ARSG: variants seen among roughly 807,000 people sequenced by gnomAD.
The protein encoded by ARSG is ASG.
A neutral mutation model predicts 50.5 loss-of-function variants in ARSG; 37 were observed. The observed-to-expected ratio is 0.73, with a 90% CI of 0.56 to 0.96. The LOEUF is 0.96. Among genes scored for constraint, ARSG ranks in the 50% least tolerant of loss-of-function variants. The pLI, the probability that ARSG is intolerant of heterozygous loss-of-function variation, is 0.00. For missense variants in ARSG, 629 were observed against 675.3 expected (o/e 0.93, Z 0.76); for synonymous variants, 225 against 254.6 (o/e 0.88, Z 1.11).
chr17:68,386,158 C>T (rs1053206795), intron 9 of ARSG, among the ~76,000 whole-genome samples: 8 of 152,186 alleles, frequency 5.3e-5, no homozygotes, highest in African/African-American at 1.9e-4. Context: ...AACATCTTCC[C>T]AGCTATGGAA....
chr17:68,436,597 G>T, the ARSG span: 1 of 870,550 alleles, frequency 1.1e-6, no homozygotes, highest in Non-Finnish European at 1.8e-6. Context: ...GGGAGGAATG[G>T]CTTTGCAGAC....
chr17:68,374,157 C>CAAAA (rs758829709), intron 8 of ARSG, among the ~76,000 whole-genome samples: 5 of 60,498 alleles, frequency 8.3e-5, no homozygotes, highest in African/African-American at 1.2e-4. Context: ...ACTCTGTCTC[C>CAAAA]AAAAAAAAAA....
chr17:68,285,489 G>A (rs1232113251), intron 1 of ARSG: 4 of 152,316 alleles, frequency 2.6e-5, no homozygotes, highest in African/African-American at 9.7e-5. Flanking sequence ...GGCCAACATG[G>A]TGAAACCCCG....
intron 2 of ARSG, among the ~76,000 whole-genome samples, chr17:68,307,922 G>A (rs2076670988): frequency 1.3e-5 from 2 of 151,384 alleles, no homozygotes; most frequent in African/African-American, 2.5e-5. Flanking sequence ...CATTCATTAT[G>A]TGTTAGGAGC....
the ARSG span, among the ~76,000 whole-genome samples, chr17:68,445,145 C>G: frequency 1.3e-5 from 2 of 152,104 alleles, no homozygotes; most frequent in Non-Finnish European, 2.9e-5. Context: ...GTCTCGAACT[C>G]CCGACCTCAG....
intron 11 of ARSG, among the ~76,000 whole-genome samples, chr17:68,415,458 A>G (rs796760961): frequency 6.6e-6 from 1 of 152,164 alleles, no homozygotes; most frequent in Admixed American, 6.5e-5. Context: ...TGTCTTGGAG[A>G]AAGTTCCATG....
intron 11 of ARSG, among the ~76,000 whole-genome samples, chr17:68,401,939 G>T (rs1348816942): frequency 6.6e-6 from 1 of 152,152 alleles, no homozygotes; most frequent in African/African-American, 2.4e-5. Context: ...GTATCAGGAT[G>T]GTCCTCAGGG....
chr17:68,342,924 G>C (rs189329400), intron 2 of ARSG, among the ~76,000 whole-genome samples: 1 of 152,306 alleles, frequency 6.6e-6, no homozygotes, highest in African/African-American at 2.4e-5. Flanking sequence ...AAACTTTGCA[G>C]GTCTGCCTAT....
intron 10 of ARSG, among the ~76,000 whole-genome samples, chr17:68,397,998 C>T (rs1251926026): frequency 1.3e-5 from 2 of 152,166 alleles, no homozygotes; most frequent in Non-Finnish European, 2.9e-5. Flanking sequence ...AACTCCTGAC[C>T]TCAGGAGATC....
intron 2 of ARSG, among the ~76,000 whole-genome samples, chr17:68,321,625 TGC>T (rs1277061649): frequency 1.3e-5 from 2 of 152,250 alleles, no homozygotes; most frequent in African/African-American, 4.8e-5. Flanking sequence ...CGCTTAACTT[TGC>T]AACGTTATGT....
chr17:68,313,839 C>T (rs1480401117), intron 2 of ARSG, among the ~76,000 whole-genome samples: 1 of 151,978 alleles, frequency 6.6e-6, no homozygotes, highest in African/African-American at 2.4e-5. Context: ...CCACTACGCA[C>T]GGCTGATTTT....
intron 1 of ARSG, chr17:68,278,086 A>G: frequency 6.2e-7 from 1 of 1,608,268 alleles, no homozygotes; most frequent in Non-Finnish European, 8.5e-7. Flanking sequence ...AAGATGTACT[A>G]ACCTGAAAAT....
chr17:68,339,630 T>C (rs1022975990), intron 2 of ARSG, among the ~76,000 whole-genome samples: 3 of 152,236 alleles, frequency 2.0e-5, no homozygotes, highest in Non-Finnish European at 4.4e-5. Flanking sequence ...ATCAAAATAC[T>C]GGTTTGTTAA....
chr17:68,385,251 C>A, intron 9 of ARSG, 79 bp downstream of exon 9: 1 of 1,300,686 alleles, frequency 7.7e-7, no homozygotes, highest in Non-Finnish European at 1.1e-6. Flanking sequence ...TAGATGGAGG[C>A]ATGGGTGGCT....
intron 3 of ARSG, chr17:68,346,716 T>C: frequency 8.1e-7 from 1 of 1,237,760 alleles, no homozygotes; most frequent in South Asian, 1.3e-5. Context: ...GAAGCGGGCA[T>C]TTCTGAGACG....
intron 8 of ARSG, among the ~76,000 whole-genome samples, chr17:68,372,300 C>T (rs1440333411): frequency 6.6e-6 from 1 of 152,082 alleles, no homozygotes; most frequent in Non-Finnish European, 1.5e-5. Context: ...ATTGATCGAT[C>T]GATCGATCGA....
At chr17:68,326,921 G>C (rs1442626492) in intron 2 of ARSG, among the ~76,000 whole-genome samples, 1 of 152,208 alleles carries the variant, frequency 6.6e-6, no homozygotes, top group East Asian at 1.9e-4. Context: ...CAGAGAAAGA[G>C]TGGATGCTCT....
chr17:68,429,926 A>T, the ARSG span: 1 of 1,600,382 alleles, frequency 6.2e-7, no homozygotes, highest in Non-Finnish European at 8.5e-7. Context: ...AGGTTTGGGG[A>T]TTTTTGTGCT....
At chr17:68,262,591 G>A (rs782234857) in intron 1 of ARSG, among the ~76,000 whole-genome samples, 4 of 152,078 alleles carry the variant, frequency 2.6e-5, no homozygotes, top group Non-Finnish European at 5.9e-5. Context: ...GACTTGTGCT[G>A]TAAGAGGATT....
Sources: gnomAD v4.1 joint callset for allele counts (sites outside exome capture counted in the v4.1 genomes callset) on GRCh38, gnomAD v4.1.1 for gene constraint, MANE v1.5 for transcripts, NCBI Gene and HGNC (gene_info 2026-07-23, HGNC 2026-07-21) for gene names.